DNAJC5: variants seen among roughly 807,000 people sequenced by gnomAD.
The protein encoded by DNAJC5 is DnaJ heat shock protein family (Hsp40) member C5.
A neutral mutation model predicts 23.2 loss-of-function variants in DNAJC5; 1 was observed. That is an observed-to-expected ratio of 0.04 (90% CI 0.02 to 0.20). The LOEUF (loss-of-function observed/expected upper bound fraction) is 0.20. Ranked by LOEUF, DNAJC5 falls within the 10% of genes least tolerant of loss-of-function variation. The pLI is 1.00. For synonymous variants in DNAJC5, 136 were observed against 120.0 expected, an observed-to-expected ratio of 1.13 and a Z score of -0.87; for missense variants, 180 against 267.0, an observed-to-expected ratio of 0.67 and a Z score of 2.27.
chr20:63,907,841 T>C (rs1488544440), intron 1 of DNAJC5, among the ~76,000 whole-genome samples: 1 of 152,166 alleles, frequency 6.6e-6, no homozygotes, highest in African/African-American at 2.4e-5. Context: ...TCTCGGCTCA[T>C]TGCATCCTCT....
chr20:63,926,393 T>C (rs182952311), intron 1 of DNAJC5, among the ~76,000 whole-genome samples: 136 of 152,366 alleles, frequency 8.9e-4, no homozygotes, highest in African/African-American at 3.1e-3. Flanking sequence ...TGGATTTCTG[T>C]TCCTTATGAT....
At chr20:63,919,662 G>A (rs112651993) in intron 1 of DNAJC5, 7 of 375,812 alleles carry the variant, frequency 1.9e-5, no homozygotes, top group African/African-American at 9.3e-5. Context: ...GGAAGAGGAC[G>A]CACCCGGCTG....
rs2053673110 is a variant in DNAJC5 at position 63,931,669 on chromosome 20, T to C, written c.*101T>C. 1 of 1,295,522 alleles carries C rather than the reference T, an allele frequency of 7.7e-7. No individual in the cohort carries two copies. Among genetic ancestry groups the C allele is most frequent in the African/African-American group, 1.5e-5 (1 of 68,090 alleles). The allele number at this position is 1,295,522 out of a possible 1,614,324, so 80.3% of individuals were successfully genotyped here. On this transcript the variant is annotated 3_prime_UTR_variant, in exon 5 of 5. Coordinates refer to ENST00000360864, the MANE Select transcript of DNAJC5 (RefSeq NM_025219.3). This position sits in a 1 kb window ranked among gnomAD's most constrained non-coding sequence, Gnocchi z 9.6. The stretch of plus-strand genomic sequence containing the variant: ...AGAGATGGGAAGGCAGCCTCCTGCC[T>C]GCCCTGGCCTTGCTGGGGCCCCTCC...
Position 63,930,838 on chromosome 20 carries a change from C to T in DNAJC5, c.322-13C>T, listed in dbSNP as rs753758771. 131 of 1,611,992 alleles carry T rather than the reference C, an allele frequency of 8.1e-5. No homozygotes were observed. The highest frequency in any genetic ancestry group is 1.1e-4 in the Non-Finnish European group (129 of 1,179,914). ...CTCGGAGGCCATGCAACACCACCTT[C>T]TTCTCCCCCCAGGCCCTGTTTGTCT... is the stretch of plus-strand genomic sequence containing the variant. On this transcript the variant is annotated splice_polypyrimidine_tract_variant and intron_variant, in intron 3 of 4. Transcript: ENST00000360864.
At chr20:63,930,713 C>A in intron 3 of DNAJC5, 138 bp from the exon 4 acceptor site, 1 of 1,373,846 alleles carries the variant, frequency 7.3e-7, no homozygotes, top group Non-Finnish European at 1.0e-6. Flanking sequence ...TCAGTTCTTT[C>A]CTTCTGCTTC....
chr20:63,905,401 C>G (rs966077151), intron 1 of DNAJC5, among the ~76,000 whole-genome samples: 3 of 152,068 alleles, frequency 2.0e-5, no homozygotes, highest in African/African-American at 7.2e-5. Context: ...CAGGTGTGAG[C>G]CACCACACCC....
chr20:63,931,246 C>T lies in DNAJC5; in HGVS notation c.494-219C>T, dbSNP rs985537737. On this transcript the variant is annotated intron_variant, in intron 4 of 4. Transcript: ENST00000360864. The surrounding 1 kb of genome is among the most constrained non-coding windows in gnomAD (Gnocchi z 9.6). The stretch of plus-strand genomic sequence containing the variant: ...CGGTAGCCGTAGATCCCAGGGACTG[C>T]GAGGCGGGGCAGGGCGGCAGGCAGT... The T allele has an allele frequency of 1.7e-5, 13 of 784,194 alleles. No individual in the cohort carries two copies. Among genetic ancestry groups the T allele is most frequent in the South Asian group, 3.0e-5 (2 of 67,684 alleles). The allele number at this position is 784,194 out of a possible 1,614,324, so 48.6% of individuals were successfully genotyped here.
rs1398855672 is a variant in DNAJC5 at position 63,920,683 on chromosome 20, T to C, written c.-11-7652T>C. Among the ~76,000 whole-genome samples, 1 of 152,126 alleles carries C rather than the reference T, an allele frequency of 6.6e-6. No individual in the cohort carries two copies. The highest frequency in any genetic ancestry group is 1.5e-5 in the Non-Finnish European group (1 of 68,044). On this transcript the variant is annotated intron_variant, in intron 1 of 4. Coordinates refer to ENST00000360864, the MANE Select transcript of DNAJC5 (RefSeq NM_025219.3). This position sits in a 1 kb window ranked among gnomAD's most constrained non-coding sequence, Gnocchi z 4.6. Reference sequence around the variant, plus strand: ...GCTTTTAATTTTTAATTTTTATTTATTTATTTATTTTTGAGACTGAGTCTG... The same window carrying C: ...GCTTTTAATTTTTAATTTTTATTTACTTATTTATTTTTGAGACTGAGTCTG...
Position 63,934,293 on chromosome 20 carries a change from G to A in DNAJC5, c.*2725G>A, listed in dbSNP as rs11554628. ...GCAGCTTCCGCGCCTCCCTGTCCACGTGCTAACAGATCAGGACGCCCCCAG... is the reference window on the plus strand; with the variant it reads ...GCAGCTTCCGCGCCTCCCTGTCCACATGCTAACAGATCAGGACGCCCCCAG... On this transcript the variant is annotated 3_prime_UTR_variant, in exon 5 of 5. Coordinates refer to ENST00000360864, the MANE Select transcript of DNAJC5 (RefSeq NM_025219.3). 9,989 of 152,382 alleles carry A rather than the reference G, an allele frequency of 0.066. 490 individuals carry two copies. Among genetic ancestry groups the A allele is most frequent in the Middle Eastern group, 0.13 (38 of 294 alleles). 9.4% of individuals were successfully genotyped at this position (152,382 alleles called of 1,614,324 possible). A position where few individuals can be genotyped will look rare whatever the true frequency, so the allele number is the denominator to read the frequency against.
Position 63,899,122 on chromosome 20 carries a change from C to G in DNAJC5, c.-12+3799C>G, listed in dbSNP as rs916688153. ...GATGAGGGTAGTGGTGCTTCCCCTG[C>G]GTCCTGCTGGGAGAAAAAAGGAGGC... On this transcript the variant is annotated intron_variant, in intron 1 of 4. Coordinates refer to ENST00000360864, the MANE Select transcript of DNAJC5 (RefSeq NM_025219.3). 1.3e-4 allele frequency among the ~76,000 whole-genome samples: 20 copies of G among 152,272 alleles called. No homozygotes were observed. In the South Asian group the frequency reaches 2.5e-3, roughly 19 times the overall value.
chr20:63,931,194 G>T lies in DNAJC5; in HGVS notation c.493+172G>T. The stretch of plus-strand genomic sequence containing the variant: ...ACGTGGACCCTGAGGTAAAGCAGGC[G>T]CATAGAGCTGTCCCCGCCGTGACCT... On this transcript the variant is annotated intron_variant, in intron 4 of 4. Coordinates refer to ENST00000360864, the MANE Select transcript of DNAJC5 (RefSeq NM_025219.3). The surrounding 1 kb of genome is among the most constrained non-coding windows in gnomAD (Gnocchi z 9.6). The T allele has an allele frequency of 2.4e-6, 2 of 817,858 alleles. No individual in the cohort carries two copies. The highest frequency in any genetic ancestry group is 2.0e-6 in the Non-Finnish European group (1 of 495,776). The allele number at this position is 817,858 out of a possible 1,614,324, so 50.7% of individuals were successfully genotyped here.
chr20:63,909,149 G>A (rs1232760001), intron 1 of DNAJC5: 1 of 152,032 alleles, frequency 6.6e-6, no homozygotes, highest in Admixed American at 6.6e-5. Flanking sequence ...ACAAAAATCA[G>A]TCGGGCGTGG....
chr20:63,915,440 G>C (rs1259643477), intron 1 of DNAJC5, among the ~76,000 whole-genome samples: 2 of 144,554 alleles, frequency 1.4e-5, no homozygotes, highest in African/African-American at 5.2e-5. Context: ...AAAAAAAAAA[G>C]CTTGTGCTCA....
At chr20:63,906,793 A>T (rs902508961) in intron 1 of DNAJC5, among the ~76,000 whole-genome samples, 2 of 151,334 alleles carry the variant, frequency 1.3e-5, no homozygotes, top group South Asian at 2.1e-4. Flanking sequence ...CTCAAAAAAA[A>T]TTAATTAATT....
chr20:63,895,616 G>A (rs528034702), intron 1 of DNAJC5, among the ~76,000 whole-genome samples: 37 of 151,720 alleles, frequency 2.4e-4, no homozygotes, highest in African/African-American at 8.7e-4. Context: ...GTCTCTTCGG[G>A]CCCGGACGCC....
At chr20:63,900,891 T>A (rs993401598) in intron 1 of DNAJC5, among the ~76,000 whole-genome samples, 1 of 152,258 alleles carries the variant, frequency 6.6e-6, no homozygotes, top group Non-Finnish European at 1.5e-5. Context: ...ACATTGAACA[T>A]GTATCACCAG....
At chr20:63,921,438 A>C (rs1470307444) in intron 1 of DNAJC5, among the ~76,000 whole-genome samples, 4 of 151,932 alleles carry the variant, frequency 2.6e-5, no homozygotes, top group Non-Finnish European at 5.9e-5. Flanking sequence ...AAAACTGCAA[A>C]AAATTAGCCG....
chr20:63,909,420 G>A lies in DNAJC5; in HGVS notation c.-12+14097G>A, dbSNP rs892022697. On this transcript the variant is annotated intron_variant, in intron 1 of 4. Coordinates refer to ENST00000360864, the MANE Select transcript of DNAJC5 (RefSeq NM_025219.3). ...CGGGAGGCTGAGGCAGGAGAATGGC[G>A]TGAACCAGGGAGGCGGAGCTTGCAG... 9.2e-5 allele frequency among the ~76,000 whole-genome samples: 14 copies of A among 152,124 alleles called. 1 individual carries two copies. The highest frequency in any genetic ancestry group is 1.8e-4 in the Non-Finnish European group (12 of 68,000).
At chr20:63,909,364 G>A (rs753117246) in intron 1 of DNAJC5, among the ~76,000 whole-genome samples, 41 of 152,238 alleles carry the variant, frequency 2.7e-4, no homozygotes, top group Non-Finnish European at 4.6e-4. Flanking sequence ...TTAGCCGGGC[G>A]TGGTGGCGGG....
Sources: allele counts gnomAD v4.1 joint callset (sites outside exome capture counted in the v4.1 genomes callset), GRCh38; gene constraint gnomAD v4.1.1; non-coding constraint Gnocchi (gnomAD v3.1); transcripts MANE v1.5; gene names NCBI Gene and HGNC (gene_info 2026-07-23, HGNC 2026-07-21).